Variants in SNW1 observed in about 807,000 individuals in gnomAD.
The protein encoded by SNW1 is SNW domain containing 1.
Under a neutral mutation model 75.6 loss-of-function variants are expected in SNW1, and 9 were observed. The observed-to-expected ratio is 0.12, with a 90% confidence interval of 0.07 to 0.21. The LOEUF (loss-of-function observed/expected upper bound fraction) is 0.21. Among genes scored for constraint, SNW1 ranks in the 10% least tolerant of loss-of-function variants. The pLI is 1.00. For synonymous variants in SNW1, 200 were observed against 219.1 expected, an observed-to-expected ratio of 0.91 and a Z score of 0.77; for missense variants, 409 against 670.9, an observed-to-expected ratio of 0.61 and a Z score of 4.31.
intron 9 of SNW1, 43 bp from the exon 10 acceptor site, chr14:77,731,172 TA>T: frequency 6.3e-7 from 1 of 1,595,764 alleles, no homozygotes; most frequent in East Asian, 2.2e-5. Flanking sequence ...TATCATGGGA[TA>T]AATATTTATG....
At chr14:77,749,802 G>C (rs1437417782) in intron 3 of SNW1, among the ~76,000 whole-genome samples, 1 of 152,200 alleles carries the variant, frequency 6.6e-6, no homozygotes, top group Non-Finnish European at 1.5e-5. Flanking sequence ...TAACAGGAAA[G>C]AGCCGTTAGA....
rs1278079649 is a variant in SNW1, at chr14:77,737,043, T to C, written c.566A>G (p.Asn189Ser). ...YTPSQQGVAF[N>S]SGAKQRVIRM... ...AATAACCCTCTGTTTAGCTCCAGAG[T>C]TGAATGCCACTCCTTGCTGAGATGG... The change falls in exon 6 of 14, where the codon AAC becomes AGC. Residue 189 changes from asparagine (N) to serine (S), a missense_variant. This residue lies in a region of SNW1 where 70 missense variants were observed against 136.7 expected (regional missense o/e 0.51). Transcript: ENST00000261531. 6.2e-7 allele frequency: 1 copy of C among 1,613,802 alleles called. No individual in the cohort carries two copies. Among genetic ancestry groups the C allele is most frequent in the Non-Finnish European group, 8.5e-7 (1 of 1,179,808 alleles).
chr14:77,756,753 T>C (rs974494482), intron 1 of SNW1, among the ~76,000 whole-genome samples: 6 of 152,060 alleles, frequency 3.9e-5, no homozygotes, highest in African/African-American at 1.4e-4. Flanking sequence ...CGTGCTGGTG[T>C]GCGCCTGTAA....
chr14:77,754,487 T>C (rs1245657395), intron 2 of SNW1, among the ~76,000 whole-genome samples: 1 of 152,118 alleles, frequency 6.6e-6, no homozygotes, highest in Admixed American at 6.5e-5. Context: ...TATATTAACA[T>C]TCTCAAATTA....
chr14:77,722,552 C>A (rs538548147), intron 11 of SNW1: 3 of 436,704 alleles, frequency 6.9e-6, no homozygotes, highest in Admixed American at 5.7e-5. Flanking sequence ...AGAAAAAGAA[C>A]GGACTATAAC....
chr14:77,759,821 T>TAA (rs140735776), intron 1 of SNW1, among the ~76,000 whole-genome samples: 3 of 150,954 alleles, frequency 2.0e-5, no homozygotes, highest in Non-Finnish European at 4.4e-5. Context: ...AGTTTTTTTT[T>TAA]AAAAAAATTT....
Position 77,718,347 on chromosome 14 carries a change from T to G in SNW1, c.1412+20A>C, listed in dbSNP as rs1165451264. 6.2e-7 allele frequency: 1 copy of G among 1,614,192 alleles called. No individual in the cohort carries two copies. The highest frequency in any genetic ancestry group is 2.2e-5 in the East Asian group (1 of 44,882). On this transcript the variant is annotated intron_variant, in intron 13 of 13. Transcript: ENST00000261531. Reference sequence around the variant, plus strand: ...CTTTCACCAGTGTAAACACTGAAATTGAGTTGTATGGCTTGGCACCTGTTG... The same window carrying G: ...CTTTCACCAGTGTAAACACTGAAATGGAGTTGTATGGCTTGGCACCTGTTG...
chr14:77,723,662 T>C (rs34849143), intron 10 of SNW1, among the ~76,000 whole-genome samples: 8,169 of 152,206 alleles, frequency 0.054, 294 homozygotes, highest in Middle Eastern at 0.085. Context: ...ATTAGTATTT[T>C]GTTTGTTTTG....
intron 3 of SNW1, among the ~76,000 whole-genome samples, chr14:77,747,662 G>C (rs2080772382): frequency 7.9e-5 from 12 of 151,722 alleles, no homozygotes; most frequent in Admixed American, 7.2e-4. Context: ...TCTGGGAAGT[G>C]AGGAGCGACT....
At chr14:77,757,361 C>T (rs566513647) in intron 1 of SNW1, among the ~76,000 whole-genome samples, 1 of 152,308 alleles carries the variant, frequency 6.6e-6, no homozygotes, top group African/African-American at 2.4e-5. Flanking sequence ...GCTCAGAATT[C>T]AGATCCGACC....
intron 11 of SNW1, 175 bp from the exon 12 acceptor site, chr14:77,721,003 C>A: frequency 1.7e-6 from 1 of 585,104 alleles, no homozygotes; most frequent in East Asian, 2.9e-5. Context: ...TAAAGCATTT[C>A]AGATTAGAGG....
At position 77,760,951 on chromosome 14, in the gene SNW1, G is replaced by A. The variant is rs571338774; in HGVS notation, c.14+163C>T. On this transcript the variant is annotated intron_variant, in intron 1 of 13. Coordinates refer to ENST00000261531, the MANE Select transcript of SNW1 (RefSeq NM_012245.3). ...CGCTGAAAGACCCCAGCTTCGACTA[G>A]GCCTAGTCGTAGCGGCGGCCAGCGG... 4.8e-5 allele frequency: 74 copies of A among 1,526,008 alleles called. No homozygotes were observed. The South Asian group carries it at 6.2e-4, about 13-fold the overall frequency. 94.5% of individuals were successfully genotyped at this position (1,526,008 alleles called of 1,614,324 possible). A position where few individuals can be genotyped will look rare whatever the true frequency, so the allele number is the denominator to read the frequency against.
At chr14:77,752,413 G>A (rs11620970) in intron 2 of SNW1, among the ~76,000 whole-genome samples, 4,106 of 152,134 alleles carry the variant, frequency 0.027, 83 homozygotes, top group Middle Eastern at 0.061. Context: ...TAAACATGAG[G>A]ATCAAGTATA....
Position 77,718,249 on chromosome 14 carries a change from T to G in SNW1, c.1450A>C (p.Arg484=), listed in dbSNP as rs988670352. The change falls in exon 14 of 14, where the codon AGA becomes CGA. Residue 484 remains arginine (R), a synonymous_variant. Transcript: ENST00000261531. ...ACTGGTCCTTCTCGGCCTCTCTGTC[T>G]ACGGTCTGAACCAGAAAACTCCTTG... The part of the protein sequence containing the change: ...PDKEFSGSDR[R]QRGREGPVQF... 5.0e-6 allele frequency: 8 copies of G among 1,613,692 alleles called. No individual in the cohort carries two copies. The highest frequency in any genetic ancestry group is 1.3e-5 in the African/African-American group (1 of 75,022).
intron 2 of SNW1, 99 bp downstream of exon 2, chr14:77,754,868 A>G: frequency 9.4e-7 from 1 of 1,063,504 alleles, no homozygotes; most frequent in Non-Finnish European, 1.3e-6. Context: ...TCACACTGAC[A>G]TTCATAATCA....
At chr14:77,729,917 G>A (rs1202667989) in intron 10 of SNW1, among the ~76,000 whole-genome samples, 1 of 152,074 alleles carries the variant, frequency 6.6e-6, no homozygotes, top group Non-Finnish European at 1.5e-5. Flanking sequence ...TTAGGTTAAA[G>A]GGCCATACAT....
intron 10 of SNW1, among the ~76,000 whole-genome samples, chr14:77,728,968 G>A (rs1164373884): frequency 6.6e-6 from 1 of 152,154 alleles, no homozygotes; most frequent in Non-Finnish European, 1.5e-5. Context: ...TTAGTTTAGA[G>A]AACTCAAATG....
chr14:77,718,544 G>A lies in SNW1; in HGVS notation c.1249-14C>T, dbSNP rs1437318504. On this transcript the variant is annotated splice_polypyrimidine_tract_variant and intron_variant, in intron 12 of 13. Coordinates refer to ENST00000261531, the MANE Select transcript of SNW1 (RefSeq NM_012245.3). ...ACTGTCCATACCCTGTGGAAAAATG[G>A]ATGACATTAAATAAAAGTGTAAACA... is the stretch of plus-strand genomic sequence containing the variant. The A allele has an allele frequency of 3.5e-5, 52 of 1,504,280 alleles. No homozygotes were observed. Among genetic ancestry groups the A allele is most frequent in the Non-Finnish European group, 4.6e-5 (51 of 1,098,422 alleles). The allele number at this position is 1,504,280 out of a possible 1,614,324, so 93.2% of individuals were successfully genotyped here.
intron 10 of SNW1, among the ~76,000 whole-genome samples, chr14:77,726,242 A>G (rs2080583730): frequency 1.3e-5 from 2 of 152,194 alleles, no homozygotes; most frequent in African/African-American, 4.8e-5. Context: ...ACATTTTAAC[A>G]ATAATAATTT....
Sources: gnomAD v4.1 joint callset for allele counts (sites outside exome capture counted in the v4.1 genomes callset) on GRCh38, gnomAD v4.1.1 for gene constraint, gnomAD v4.1.1 regional missense constraint, MANE v1.5 for transcripts, NCBI Gene and HGNC (gene_info 2026-07-23, HGNC 2026-07-21) for gene names.